Variants in CDK14 observed in about 807,000 individuals in gnomAD.
The protein encoded by CDK14 is cyclin-dependent kinase 14.
Under a neutral mutation model 60.7 loss-of-function variants are expected in CDK14, and 34 were observed. That is an observed-to-expected ratio of 0.56 (90% confidence interval 0.43 to 0.75). The LOEUF (loss-of-function observed/expected upper bound fraction) is 0.75, where lower values mean the gene tolerates loss of function less well. CDK14 is among the 30% of genes least tolerant of loss of function. The probability of loss-of-function intolerance (pLI) is 0.00; values close to 1 mark genes in which losing one functional copy is unlikely to be tolerated. For synonymous variants in CDK14, 197 were observed against 203.7 expected (o/e 0.97, Z 0.28); for missense variants, 482 against 564.1 (o/e 0.85, Z 1.47).
intron 8 of CDK14, among the ~76,000 whole-genome samples, chr7:90,935,471 G>C (rs1217035939): frequency 6.6e-6 from 1 of 152,156 alleles, no homozygotes; most frequent in Non-Finnish European, 1.5e-5. Context: ...AAAGGGGAAT[G>C]CACAGTTATT....
At chr7:91,199,903 C>G (rs746875595) in intron 14 of CDK14, among the ~76,000 whole-genome samples, 5 of 152,162 alleles carry the variant, frequency 3.3e-5, no homozygotes, top group Non-Finnish European at 5.9e-5. Flanking sequence ...TATTCTCTTG[C>G]TGGTCTCAAA....
intron 8 of CDK14, among the ~76,000 whole-genome samples, chr7:90,939,533 G>A (rs564565064): frequency 1.6e-4 from 24 of 152,144 alleles, no homozygotes; most frequent in Non-Finnish European, 3.1e-4. Context: ...CTGTATTCTT[G>A]CATTCATTTG....
chr7:90,816,129 T>C (rs1390681041), intron 5 of CDK14, among the ~76,000 whole-genome samples: 1 of 152,156 alleles, frequency 6.6e-6, no homozygotes, highest in African/African-American at 2.4e-5. Flanking sequence ...GAGTTAGAGA[T>C]CACTGATGTG....
intron 2 of CDK14, among the ~76,000 whole-genome samples, chr7:90,611,098 C>G (rs1799529843): frequency 6.6e-6 from 1 of 152,126 alleles, no homozygotes; most frequent in African/African-American, 2.4e-5. Context: ...CAATTCCTTT[C>G]CCTCTTTTCT....
intron 10 of CDK14, among the ~76,000 whole-genome samples, chr7:91,014,910 A>G (rs1278329743): frequency 2.0e-5 from 3 of 152,156 alleles, no homozygotes; most frequent in East Asian, 3.9e-4. Flanking sequence ...TTCAAAGTCT[A>G]TGATTAGTTC....
chr7:90,930,402 A>G, intron 8 of CDK14, among the ~76,000 whole-genome samples: 1 of 151,994 alleles, frequency 6.6e-6, no homozygotes, highest in African/African-American at 2.4e-5. Context: ...TAGCAAAGGG[A>G]GTCACTTCTT....
chr7:90,848,256 C>G (rs1463594285), intron 5 of CDK14, among the ~76,000 whole-genome samples: 1 of 152,140 alleles, frequency 6.6e-6, no homozygotes, highest in Non-Finnish European at 1.5e-5. Flanking sequence ...CTTGCATCAT[C>G]ATGCCTGGCT....
intron 2 of CDK14, among the ~76,000 whole-genome samples, chr7:90,711,413 T>A (rs1802054604): frequency 6.6e-6 from 1 of 152,118 alleles, no homozygotes; most frequent in South Asian, 2.1e-4. Context: ...CTGTGTTTAC[T>A]GTTTCTTTTT....
intron 4 of CDK14, 152 bp from the exon 5 acceptor site, chr7:90,790,421 C>A: frequency 4.0e-6 from 2 of 494,560 alleles, no homozygotes; most frequent in Non-Finnish European, 3.6e-6. Flanking sequence ...TACAGAATTC[C>A]CAGCCGAAAC....
chr7:90,783,098 T>A (rs143970456), intron 4 of CDK14, among the ~76,000 whole-genome samples: 2,814 of 152,284 alleles, frequency 0.018, 42 homozygotes, highest in Non-Finnish European at 0.03. Context: ...CTATGAACTT[T>A]ATATGCCACT....
intron 6 of CDK14, among the ~76,000 whole-genome samples, chr7:90,864,287 C>T (rs1357046204): frequency 6.6e-6 from 1 of 152,090 alleles, no homozygotes; most frequent in African/African-American, 2.4e-5. Context: ...ACTGCAAGGA[C>T]AGCTAGAGCT....
intron 1 of CDK14, among the ~76,000 whole-genome samples, chr7:90,600,363 G>C (rs1490826198): frequency 2.6e-5 from 4 of 152,096 alleles, no homozygotes; most frequent in African/African-American, 7.2e-5. Context: ...AAGGAGAAAG[G>C]CTTTATGTAA....
chr7:91,017,984 C>T (rs2115856644), intron 10 of CDK14, among the ~76,000 whole-genome samples: 1 of 152,252 alleles, frequency 6.6e-6, no homozygotes, highest in Non-Finnish European at 1.5e-5. Context: ...AAACAGCAGA[C>T]ATATAAATGT....
intron 2 of CDK14, among the ~76,000 whole-genome samples, chr7:90,659,156 A>G (rs990096914): frequency 6.6e-6 from 1 of 152,202 alleles, no homozygotes; most frequent in African/African-American, 2.4e-5. Context: ...CTAAAAACCT[A>G]TACGTTGGTT....
intron 9 of CDK14, among the ~76,000 whole-genome samples, chr7:90,957,673 C>T (rs1794471460): frequency 6.6e-6 from 1 of 152,130 alleles, no homozygotes; most frequent in Non-Finnish European, 1.5e-5. Flanking sequence ...TCAAGGAGAA[C>T]TACAAACCAC....
intron 10 of CDK14, among the ~76,000 whole-genome samples, chr7:90,987,054 G>A (rs1795391934): frequency 6.6e-6 from 1 of 151,920 alleles, no homozygotes; most frequent in African/African-American, 2.4e-5. Context: ...ACAAAAAGGT[G>A]AGTTTTATAA....
chr7:90,723,010 T>C (rs1236925024), intron 2 of CDK14, among the ~76,000 whole-genome samples: 2 of 152,224 alleles, frequency 1.3e-5, no homozygotes, highest in Non-Finnish European at 1.5e-5. Context: ...AAAGTGGATG[T>C]CCTTGAATTT....
intron 14 of CDK14, among the ~76,000 whole-genome samples, chr7:91,160,194 G>A (rs778449180): frequency 4.5e-4 from 68 of 152,236 alleles, no homozygotes; most frequent in Middle Eastern, 3.4e-3. Flanking sequence ...AAAATAATAG[G>A]GAGAAATGAA....
chr7:90,719,466 T>G (rs1284516314), intron 2 of CDK14, among the ~76,000 whole-genome samples: 1 of 152,190 alleles, frequency 6.6e-6, no homozygotes, highest in Non-Finnish European at 1.5e-5. Flanking sequence ...AATCCACTGC[T>G]GTGAGTTCAG....
Sources: gnomAD v4.1 joint callset for allele counts (sites outside exome capture counted in the v4.1 genomes callset) on GRCh38, gnomAD v4.1.1 for gene constraint, MANE v1.5 for transcripts, NCBI Gene and HGNC (gene_info 2026-07-23, HGNC 2026-07-21) for gene names.